ACSL4: variants seen among roughly 807,000 people sequenced by gnomAD.
ACSL4 encodes the protein acyl-CoA synthetase long chain family member 4.
Under a neutral mutation model 49.1 loss-of-function variants are expected in ACSL4, and 9 were observed. The observed-to-expected ratio is 0.18, with a 90% CI of 0.11 to 0.32. The LOEUF (loss-of-function observed/expected upper bound fraction) is 0.32. ACSL4 is among the 10% of genes least tolerant of loss of function. The pLI is 1.00. For synonymous variants in ACSL4, 191 were observed against 170.3 expected (o/e 1.12, Z -0.95); for missense variants, 333 against 493.7 (o/e 0.67, Z 3.08).
chrX:109,663,424 T>G (rs1460798663), intron 12 of ACSL4, 22 bp from the exon 13 acceptor site: 8 of 1,166,176 alleles, frequency 6.9e-6, no homozygotes, highest in Non-Finnish European at 9.4e-6. Flanking sequence ...AAAAGTAAAT[T>G]AGTTATTGTT....
At chrX:109,654,214 G>A (rs1362732694) in intron 15 of ACSL4, among the ~76,000 whole-genome samples, 1 of 110,344 alleles carries the variant, frequency 9.1e-6, no homozygotes, top group African/African-American at 3.3e-5. Flanking sequence ...TCTATTTACT[G>A]ACACAGAAAA....
At chrX:109,720,101 CT>C (rs1927431100) in intron 1 of ACSL4, among the ~76,000 whole-genome samples, 1 of 111,674 alleles carries the variant, frequency 9.0e-6, no homozygotes, top group Non-Finnish European at 1.9e-5. Context: ...AGGTAGATCA[CT>C]TGAGGTCAGG....
chrX:109,721,148 T>C (rs1020423525), intron 1 of ACSL4, among the ~76,000 whole-genome samples: 1 of 112,330 alleles, frequency 8.9e-6, no homozygotes, highest in African/African-American at 3.2e-5. Flanking sequence ...TTCTTCTTTT[T>C]CTTCTCAAAA....
intron 1 of ACSL4, among the ~76,000 whole-genome samples, chrX:109,704,094 C>T (rs1926172531): frequency 9.0e-6 from 1 of 110,779 alleles, no homozygotes; most frequent in African/African-American, 3.3e-5. Flanking sequence ...CCTCGCATTT[C>T]TTAGAAGTAT....
chrX:109,683,399 A>G, intron 2 of ACSL4, 24 bp from the exon 3 acceptor site: 2 of 1,211,436 alleles, frequency 1.7e-6, no homozygotes, highest in Non-Finnish European at 2.2e-6. Context: ...AGAAAATACC[A>G]TGGAATAAAT....
chrX:109,714,739 T>C (rs1373074163), intron 1 of ACSL4, among the ~76,000 whole-genome samples: 1 of 112,207 alleles, frequency 8.9e-6, no homozygotes, highest in Non-Finnish European at 1.9e-5. Context: ...CTAAGAGCAA[T>C]AGGCTGTACC....
At chrX:109,681,444 A>T in intron 4 of ACSL4, 69 bp from the exon 5 acceptor site, 3 of 734,664 alleles carry the variant, frequency 4.1e-6, no homozygotes, top group Non-Finnish European at 6.3e-6. Context: ...TATTGAAGTC[A>T]GTCTTTAATA....
At chrX:109,692,200 T>C (rs1460838563) in intron 2 of ACSL4, 2 of 111,557 alleles carry the variant, frequency 1.8e-5, no homozygotes, top group Admixed American at 9.5e-5. Flanking sequence ...TCAGATAATG[T>C]TGTTGCTAGG....
chrX:109,697,242 C>T (rs1339112712), intron 1 of ACSL4, among the ~76,000 whole-genome samples: 1 of 111,813 alleles, frequency 8.9e-6, no homozygotes, highest in Non-Finnish European at 1.9e-5. Flanking sequence ...GCTGGGGCCC[C>T]CTGGGCATGA....
intron 1 of ACSL4, among the ~76,000 whole-genome samples, chrX:109,719,256 T>C (rs1253671110): frequency 1.8e-5 from 2 of 111,506 alleles, no homozygotes; most frequent in African/African-American, 6.5e-5. Context: ...CAAACAAAAA[T>C]GGCATAGATG....
intron 1 of ACSL4, among the ~76,000 whole-genome samples, chrX:109,696,907 G>C (rs188084295): frequency 9.0e-6 from 1 of 111,315 alleles, no homozygotes; most frequent in African/African-American, 3.3e-5. Context: ...AGCCGAACAT[G>C]GTGGTGCATG....
At chrX:109,660,886 T>C (rs1167763877) in intron 14 of ACSL4, among the ~76,000 whole-genome samples, 1 of 110,390 alleles carries the variant, frequency 9.1e-6, no homozygotes, top group East Asian at 2.8e-4. Flanking sequence ...GAAGTCAAAT[T>C]CATAGAAACA....
chrX:109,668,025 G>A (rs1922828788), intron 11 of ACSL4, 76 bp downstream of exon 11: 3 of 758,243 alleles, frequency 4.0e-6, no homozygotes, highest in Non-Finnish European at 6.0e-6. Context: ...AAGTTACCAT[G>A]GTTTCCAAAG....
chrX:109,687,329 CATAAG>C (rs1924693141), intron 2 of ACSL4, among the ~76,000 whole-genome samples: 1 of 112,327 alleles, frequency 8.9e-6, no homozygotes, highest in African/African-American at 3.2e-5. Flanking sequence ...TATAATGTCT[CATAAG>C]AGAAACAACA....
At chrX:109,689,896 G>A (rs1331889880) in intron 2 of ACSL4, among the ~76,000 whole-genome samples, 3 of 111,982 alleles carry the variant, frequency 2.7e-5, no homozygotes, top group East Asian at 2.8e-4. Flanking sequence ...CAGTGCCTCC[G>A]TGTGTTGGCT....
intron 1 of ACSL4, among the ~76,000 whole-genome samples, chrX:109,725,596 A>G (rs1927918419): frequency 9.1e-6 from 1 of 110,322 alleles, no homozygotes; most frequent in Admixed American, 9.7e-5. Flanking sequence ...CCCTGTCTCT[A>G]CTAAAAATAC....
chrX:109,684,235 A>G (rs1022008130), intron 2 of ACSL4, among the ~76,000 whole-genome samples: 1 of 112,481 alleles, frequency 8.9e-6, no homozygotes, highest in Non-Finnish European at 1.9e-5. Flanking sequence ...TATTTCCCAC[A>G]TGGGAGCAAT....
At position 109,693,475 on chromosome X, in the gene ACSL4, CATTTT is replaced by C. The variant is rs762888517; in HGVS notation, c.-13+2664_-13+2668del. On this transcript the variant is annotated intron_variant, in intron 2 of 15. Transcript: ENST00000672401. ...ATGCATTTTATCCTTATTAGCATTTCATTTTGAGTATGTCTGACATTTCAGAAATT... is the reference window on the plus strand; with the variant it reads ...ATGCATTTTATCCTTATTAGCATTTCGAGTATGTCTGACATTTCAGAAATT... Among the ~76,000 whole-genome samples the C allele has an allele frequency of 9.8e-5, 11 of 112,000 alleles. No homozygotes were observed. The East Asian group carries it at 2.5e-3, about 25-fold the overall frequency.
intron 15 of ACSL4, among the ~76,000 whole-genome samples, chrX:109,646,184 C>T (rs1397556058): frequency 2.1e-4 from 23 of 111,030 alleles, no homozygotes; most frequent in African/African-American, 6.9e-4. Context: ...CACAAAGATA[C>T]TCCTCGAGAA....
Sources: gnomAD v4.1 joint callset for allele counts (sites outside exome capture counted in the v4.1 genomes callset) on GRCh38, gnomAD v4.1.1 for gene constraint, MANE v1.5 for transcripts, NCBI Gene and HGNC (gene_info 2026-07-23, HGNC 2026-07-21) for gene names.